MAGI1: variants seen among roughly 807,000 people sequenced by gnomAD.
MAGI1 encodes the protein membrane-associated guanylate kinase, WW and PDZ domain-containing protein 1.
Under a neutral mutation model 139.9 loss-of-function variants are expected in MAGI1, and 58 were observed. That is an observed-to-expected ratio of 0.41 (90% CI 0.34 to 0.52). MAGI1 has a LOEUF of 0.52. Among genes scored for constraint, MAGI1 ranks in the 20% least tolerant of loss-of-function variants. The pLI, the probability that MAGI1 is intolerant of heterozygous loss-of-function variation, is 0.12. For missense variants in MAGI1, 1,874 were observed against 1,901.6 expected (o/e 0.99, Z 0.27); for synonymous variants, 812 against 737.9 (o/e 1.10, Z -1.63).
intron 1 of MAGI1, among the ~76,000 whole-genome samples, chr3:65,852,554 A>G (rs1394373639): frequency 6.8e-6 from 1 of 146,170 alleles, no homozygotes; most frequent in Non-Finnish European, 1.5e-5. Flanking sequence ...CCCAGGCTGG[A>G]GCACAACTGC....
At chr3:65,379,597 C>T in intron 16 of MAGI1, 43 bp from the exon 17 acceptor site, 1 of 1,567,402 alleles carries the variant, frequency 6.4e-7, no homozygotes, top group South Asian at 1.2e-5. Context: ...TGTCCTGCAG[C>T]CCCTCCATCC....
chr3:65,857,015 T>G (rs1397282521), intron 1 of MAGI1, among the ~76,000 whole-genome samples: 1 of 152,238 alleles, frequency 6.6e-6, no homozygotes, highest in Non-Finnish European at 1.5e-5. Context: ...CGGCCCTGTT[T>G]ACTTGACAGG....
chr3:66,008,334 G>A (rs980732551), intron 1 of MAGI1, among the ~76,000 whole-genome samples: 2 of 152,186 alleles, frequency 1.3e-5, no homozygotes, highest in Admixed American at 6.5e-5. Context: ...CACAGTCAAC[G>A]TGTGAATTTA....
intron 2 of MAGI1, among the ~76,000 whole-genome samples, chr3:65,583,536 G>A (rs768261910): frequency 6.8e-4 from 103 of 152,112 alleles, no homozygotes; most frequent in Middle Eastern, 3.4e-3. Flanking sequence ...CTGACAGCAG[G>A]GAAATGGGAA....
chr3:65,688,948 C>A (rs2088314404), intron 1 of MAGI1, among the ~76,000 whole-genome samples: 1 of 152,158 alleles, frequency 6.6e-6, no homozygotes, highest in Non-Finnish European at 1.5e-5. Flanking sequence ...TATTTTTCTA[C>A]ACTATCCCTA....
At chr3:65,509,674 T>C (rs2077478241) in intron 2 of MAGI1, among the ~76,000 whole-genome samples, 1 of 152,008 alleles carries the variant, frequency 6.6e-6, no homozygotes, top group Non-Finnish European at 1.5e-5. Context: ...ATCTCGCTGA[T>C]TGCTAGCACA....
At chr3:65,710,269 CTTTTTTTTTTTTTTTTT>C (rs1175790063) in intron 1 of MAGI1, among the ~76,000 whole-genome samples, 1 of 66,876 alleles carries the variant, frequency 1.5e-5, no homozygotes, top group Non-Finnish European at 2.8e-5. Flanking sequence ...CCTTACATTT[CTTTTTTTTTTTTTTTTT>C]TTTTTTTTTT....
At chr3:65,878,913 G>A (rs550086135) in intron 1 of MAGI1, among the ~76,000 whole-genome samples, 4 of 152,208 alleles carry the variant, frequency 2.6e-5, no homozygotes, top group East Asian at 3.9e-4. Flanking sequence ...TCTGCAGTGG[G>A]CAGTTTCCTT....
intron 1 of MAGI1, among the ~76,000 whole-genome samples, chr3:65,823,571 A>C (rs2042059607): frequency 6.6e-6 from 1 of 152,192 alleles, no homozygotes; most frequent in African/African-American, 2.4e-5. Flanking sequence ...CATTGCATAC[A>C]CTGTTGTCAA....
chr3:65,744,490 T>C (rs531727370), intron 1 of MAGI1, among the ~76,000 whole-genome samples: 1 of 152,328 alleles, frequency 6.6e-6, no homozygotes, highest in East Asian at 1.9e-4. Context: ...AGTGGCACTG[T>C]TTTAAATGAA....
At chr3:65,365,742 T>A (rs529712184) in intron 18 of MAGI1, among the ~76,000 whole-genome samples, 2 of 152,204 alleles carry the variant, frequency 1.3e-5, no homozygotes, top group African/African-American at 4.8e-5. Context: ...TTTAATTCAG[T>A]GCACCATCAA....
intron 14 of MAGI1, among the ~76,000 whole-genome samples, chr3:65,389,761 A>G (rs1943751717): frequency 6.6e-6 from 1 of 152,186 alleles, no homozygotes; most frequent in Non-Finnish European, 1.5e-5. Context: ...GCGACTAAAT[A>G]AGTCCCTGCT....
intron 1 of MAGI1, among the ~76,000 whole-genome samples, chr3:65,831,614 A>C (rs1196052433): frequency 6.6e-6 from 1 of 152,196 alleles, no homozygotes; most frequent in African/African-American, 2.4e-5. Context: ...CCGTTTTTGA[A>C]CTAAAAAGCA....
Position 65,641,487 on chromosome 3 carries a change from C to G in MAGI1, c.314-19399G>C, listed in dbSNP as rs115303449. On this transcript the variant is annotated intron_variant, in intron 1 of 22. Coordinates refer to ENST00000402939, the MANE Select transcript of MAGI1 (RefSeq NM_001033057.2). ...TAGCCAGGGTTCTAAGCCTAGCCTACTTCTCAGACTGTGAATTCACGGTAG... is the reference window on the plus strand; with the variant it reads ...TAGCCAGGGTTCTAAGCCTAGCCTAGTTCTCAGACTGTGAATTCACGGTAG... 4.1e-3 allele frequency among the ~76,000 whole-genome samples: 623 copies of G among 152,294 alleles called. 6 individuals carry two copies. The highest frequency in any genetic ancestry group is 0.014 in the African/African-American group (602 of 41,556).
intron 1 of MAGI1, among the ~76,000 whole-genome samples, chr3:65,761,534 A>C (rs1206338710): frequency 1.3e-5 from 2 of 152,176 alleles, no homozygotes; most frequent in Non-Finnish European, 1.5e-5. Context: ...TAACCTCTCC[A>C]AACGCTTTTA....
At chr3:65,690,458 C>G (rs972492570) in intron 1 of MAGI1, among the ~76,000 whole-genome samples, 1 of 152,000 alleles carries the variant, frequency 6.6e-6, no homozygotes, top group Non-Finnish European at 1.5e-5. Flanking sequence ...AAAAACAGCA[C>G]TAAATATACA....
intron 2 of MAGI1, among the ~76,000 whole-genome samples, chr3:65,572,482 C>T (rs1317280538): frequency 6.6e-6 from 1 of 152,028 alleles, no homozygotes; most frequent in African/African-American, 2.4e-5. Flanking sequence ...TACTACTGTC[C>T]ACTCCAGGGG....
At chr3:65,735,300 T>G (rs572293157) in intron 1 of MAGI1, among the ~76,000 whole-genome samples, 3 of 152,082 alleles carry the variant, frequency 2.0e-5, no homozygotes, top group African/African-American at 7.2e-5. Context: ...TAAGGATTTT[T>G]GGGGGGGTTC....
At chr3:65,901,608 T>C (rs907397601) in intron 1 of MAGI1, among the ~76,000 whole-genome samples, 10 of 152,244 alleles carry the variant, frequency 6.6e-5, no homozygotes, top group Admixed American at 5.9e-4. Flanking sequence ...GGCAAGGTTT[T>C]TTCCCTATTG....
Sources: allele counts gnomAD v4.1 joint callset (sites outside exome capture counted in the v4.1 genomes callset), GRCh38; gene constraint gnomAD v4.1.1; transcripts MANE v1.5; gene names NCBI Gene and HGNC (gene_info 2026-07-23, HGNC 2026-07-21).